The following PREX1 variants were observed in gnomAD, a reference collection of about 807,000 sequenced individuals.
The protein encoded by PREX1 is phosphatidylinositol 3,4,5-trisphosphate-dependent Rac exchanger 1 protein.
In PREX1, 41 loss-of-function variants were observed where a neutral mutation model predicts 198.3. The observed-to-expected ratio is 0.21, with a 90% CI of 0.16 to 0.27. The LOEUF (loss-of-function observed/expected upper bound fraction) is 0.27, where lower values mean the gene tolerates loss of function less well. PREX1 is among the 10% of genes least tolerant of loss of function. The probability of loss-of-function intolerance (pLI) is 1.00; values close to 1 mark genes in which losing one functional copy is unlikely to be tolerated. For synonymous variants in PREX1, 843 were observed against 887.2 expected, an observed-to-expected ratio of 0.95 and a Z score of 0.89; for missense variants, 1,620 against 2,200.7, an observed-to-expected ratio of 0.74 and a Z score of 5.28.
At chr20:48,812,835 G>A (rs901390529) in intron 1 of PREX1, among the ~76,000 whole-genome samples, 2 of 152,172 alleles carry the variant, frequency 1.3e-5, no homozygotes, top group Non-Finnish European at 2.9e-5. Flanking sequence ...CTTGCTGATG[G>A]AGAGCATTTA....
chr20:48,844,231 A>T, the PREX1 span, among the ~76,000 whole-genome samples: 1 of 152,100 alleles, frequency 6.6e-6, no homozygotes, highest in East Asian at 1.9e-4. Context: ...TTCTTAAAAC[A>T]TGCTTTTTGC....
chr20:48,860,982 G>GA, the PREX1 span, among the ~76,000 whole-genome samples: 3 of 151,834 alleles, frequency 2.0e-5, no homozygotes, highest in Admixed American at 6.6e-5. Flanking sequence ...GAAAATAAAA[G>GA]AAAAAAAATT....
At chr20:48,656,399 A>G in intron 18 of PREX1, 1 of 390,448 alleles carries the variant, frequency 2.6e-6, no homozygotes, top group East Asian at 8.2e-5. Flanking sequence ...GTGGCTCCCC[A>G]TGGGTCCTTG....
At chr20:48,817,203 T>C (rs2090463078) in intron 1 of PREX1, among the ~76,000 whole-genome samples, 1 of 152,182 alleles carries the variant, frequency 6.6e-6, no homozygotes. Flanking sequence ...TCGGAGGGAT[T>C]GCTTGGAGAA....
chr20:48,659,604 G>A, intron 16 of PREX1, among the ~76,000 whole-genome samples: 1 of 152,108 alleles, frequency 6.6e-6, no homozygotes, highest in East Asian at 1.9e-4. Flanking sequence ...GCGTTAAGAT[G>A]GGGGCTGCTG....
At chr20:48,834,212 G>C in the PREX1 span, among the ~76,000 whole-genome samples, 6 of 152,150 alleles carry the variant, frequency 3.9e-5, no homozygotes, top group East Asian at 1.2e-3. Context: ...TTGAGAAAAG[G>C]GTTCAGAAAG....
chr20:48,817,902 G>C (rs1340890413), intron 1 of PREX1, among the ~76,000 whole-genome samples: 1 of 152,144 alleles, frequency 6.6e-6, no homozygotes, highest in Non-Finnish European at 1.5e-5. Flanking sequence ...GCATGCCTGT[G>C]ACATTCCAGC....
chr20:48,658,714 C>G lies in PREX1; in HGVS notation c.1882-486G>C, dbSNP rs892159489. Among the ~76,000 whole-genome samples, 9 of 152,156 alleles carry G rather than the reference C, an allele frequency of 5.9e-5. 1 individual carries two copies. ...GGGAGGCCAACTATAAACAAATAAA[C>G]AAAAGAAATACAGGATGTGATGCAG... On this transcript the variant is annotated intron_variant, in intron 16 of 39. Coordinates refer to ENST00000371941, the MANE Select transcript of PREX1 (RefSeq NM_020820.4).
At chr20:48,862,807 A>ATATGTGTG in the PREX1 span, among the ~76,000 whole-genome samples, 6,581 of 124,666 alleles carry the variant, frequency 0.053, 310 homozygotes, top group Non-Finnish European at 0.08. Context: ...ATATATATAT[A>ATATGTGTG]TATATACTAA....
chr20:48,745,854 T>C (rs1470224276), intron 2 of PREX1, among the ~76,000 whole-genome samples: 6 of 152,196 alleles, frequency 3.9e-5, no homozygotes, highest in African/African-American at 1.4e-4. Flanking sequence ...AGGGACATTT[T>C]TGGTTGTCAC....
At chr20:48,715,928 C>G (rs1366760820) in intron 5 of PREX1, among the ~76,000 whole-genome samples, 1 of 152,100 alleles carries the variant, frequency 6.6e-6, no homozygotes, top group Non-Finnish European at 1.5e-5. Context: ...AGGTTAAAAC[C>G]CTCTTGCCCA....
chr20:48,795,272 G>A (rs2090356575), intron 1 of PREX1, among the ~76,000 whole-genome samples: 1 of 152,108 alleles, frequency 6.6e-6, no homozygotes, highest in Non-Finnish European at 1.5e-5. Flanking sequence ...CAACCCCTCT[G>A]AGCCTCCATT....
intron 1 of PREX1, among the ~76,000 whole-genome samples, chr20:48,766,751 A>C (rs1228005550): frequency 6.6e-6 from 1 of 152,196 alleles, no homozygotes; most frequent in Non-Finnish European, 1.5e-5. Context: ...CCACCAGCCT[A>C]AGACCTCTCA....
rs2089437495 is a variant in PREX1 at position 48,644,561 on chromosome 20, C to T, written c.3513-64G>A. 5.5e-6 allele frequency: 8 copies of T among 1,441,530 alleles called. No individual in the cohort carries two copies. The South Asian group carries it at 6.0e-5, about 11-fold the overall frequency. The allele number at this position is 1,441,530 out of a possible 1,614,324, so 89.3% of individuals were successfully genotyped here. Reference sequence around the variant, plus strand: ...GCTCAGGCCATCTGGTCCTGGCACCCAAAACCCACTTTCTACAGTGTAGAC... The same window carrying T: ...GCTCAGGCCATCTGGTCCTGGCACCTAAAACCCACTTTCTACAGTGTAGAC... On this transcript the variant is annotated intron_variant, in intron 26 of 39. Coordinates refer to ENST00000371941, the MANE Select transcript of PREX1 (RefSeq NM_020820.4).
chr20:48,787,277 G>A (rs556938870), intron 1 of PREX1, among the ~76,000 whole-genome samples: 2 of 152,056 alleles, frequency 1.3e-5, no homozygotes, highest in Admixed American at 6.5e-5. Flanking sequence ...AGGACGACAC[G>A]GCACTTATGA....
intron 15 of PREX1, among the ~76,000 whole-genome samples, chr20:48,660,936 G>A (rs1029568043): frequency 4.6e-5 from 7 of 152,276 alleles, no homozygotes; most frequent in African/African-American, 7.2e-5. Flanking sequence ...CTCAGTCCCC[G>A]CAGGCCAAAT....
intron 4 of PREX1, among the ~76,000 whole-genome samples, chr20:48,727,104 C>A (rs189313731): frequency 2.6e-5 from 4 of 152,132 alleles, no homozygotes; most frequent in African/African-American, 9.7e-5. Context: ...TAAAGACATG[C>A]GTGTTAAAGG....
the PREX1 span, among the ~76,000 whole-genome samples, chr20:48,834,892 G>T: frequency 6.4e-4 from 98 of 152,126 alleles, 2 homozygotes; most frequent in South Asian, 4.2e-4. Flanking sequence ...GGCACTGTTG[G>T]ATTACAGGCA....
chr20:48,650,109 C>A lies in PREX1; in HGVS notation c.2915G>T (p.Cys972Phe), dbSNP rs139220518. The change falls in exon 24 of 40, where the codon TGC becomes TTC. Residue 972 changes from cysteine (C) to phenylalanine (F), a missense_variant. Around this residue, in one of 7 missense-constraint regions of PREX1, gnomAD observed 514 missense variants for 611.6 expected, o/e 0.84. Transcript: ENST00000371941. ...GGACACTTCCATGAGGTTGATGTGG[C>A]AATTGGTGGGGCAGAAGTCCAGGCC... ...LCGLDFCPTN[C>F]HINLMEVSYP... 5.5e-4 allele frequency: 895 copies of A among 1,614,048 alleles called. 8 individuals are homozygous for A. The African/African-American group carries it at 0.011, about 19-fold the overall frequency.
Sources: gnomAD v4.1 joint callset for allele counts (sites outside exome capture counted in the v4.1 genomes callset) on GRCh38, gnomAD v4.1.1 for gene constraint, gnomAD v4.1.1 regional missense constraint, MANE v1.5 for transcripts, NCBI Gene and HGNC (gene_info 2026-07-23, HGNC 2026-07-21) for gene names.